TNFRSF10B: variants seen among roughly 807,000 people sequenced by gnomAD.
TNFRSF10B encodes tumor necrosis factor receptor superfamily member 10B.
A neutral mutation model predicts 41.4 loss-of-function variants in TNFRSF10B; 35 were observed. That is an observed-to-expected ratio of 0.85 (90% CI 0.65 to 1.12). The LOEUF (loss-of-function observed/expected upper bound fraction) is 1.12. Ranked by LOEUF, TNFRSF10B falls within the 50% of genes most tolerant of loss-of-function variation. The pLI, the probability that TNFRSF10B is intolerant of heterozygous loss-of-function variation, is 0.00. For synonymous variants in TNFRSF10B, 230 were observed against 215.5 expected (o/e 1.07, Z -0.59); for missense variants, 584 against 552.7 (o/e 1.06, Z -0.57).
intron 1 of TNFRSF10B, among the ~76,000 whole-genome samples, chr8:23,059,636 A>G (rs1812768333): frequency 6.6e-6 from 1 of 152,044 alleles, no homozygotes; most frequent in Non-Finnish European, 1.5e-5. Flanking sequence ...CCTCCCAAGT[A>G]GCTGGGACTA....
At position 23,022,648 on chromosome 8, in the gene TNFRSF10B, T is replaced by A. The variant is rs1422262958; in HGVS notation, c.*23A>T. ...GAAAAAAGGTAAACCAGGGAAGGTC[T>A]GACTTCCTGAAGAGAATCACACTTA... is the stretch of plus-strand genomic sequence containing the variant. On this transcript the variant is annotated 3_prime_UTR_variant, in exon 9 of 9. Coordinates refer to ENST00000276431, the MANE Select transcript of TNFRSF10B (RefSeq NM_003842.5). 6.2e-7 allele frequency: 1 copy of A among 1,613,808 alleles called. No individual in the cohort carries two copies. Among genetic ancestry groups the A allele is most frequent in the Admixed American group, 1.7e-5 (1 of 60,000 alleles).
intron 7 of TNFRSF10B, among the ~76,000 whole-genome samples, chr8:23,026,671 C>T (rs1379378770): frequency 2.9e-4 from 44 of 152,282 alleles, no homozygotes; most frequent in East Asian, 1.9e-4. Context: ...TGATTGTGTG[C>T]GTGTGTCCAA....
rs1813095071 is a variant in TNFRSF10B, at chr8:23,069,023, G to A, written c.-129C>T. The A allele has an allele frequency of 1.4e-6, 2 of 1,470,922 alleles. No individual in the cohort carries two copies. The highest frequency in any genetic ancestry group is 1.2e-5 in the South Asian group (1 of 84,958). The allele number at this position is 1,470,922 out of a possible 1,614,324, so 91.1% of individuals were successfully genotyped here. A position where few individuals can be genotyped will look rare whatever the true frequency, so the allele number is the denominator to read the frequency against. On this transcript the variant is annotated 5_prime_UTR_variant, in exon 1 of 9. Transcript: ENST00000276431. Reference sequence around the variant, plus strand: ...TCTCCGGCCGCGTGCTGATTTATGTGTCCAGGCTGACTTGGGGCGGCGCGG... The same window carrying A: ...TCTCCGGCCGCGTGCTGATTTATGTATCCAGGCTGACTTGGGGCGGCGCGG...
chr8:23,038,416 C>T (rs1812082042), intron 2 of TNFRSF10B, among the ~76,000 whole-genome samples: 1 of 152,158 alleles, frequency 6.6e-6, no homozygotes, highest in African/African-American at 2.4e-5. Flanking sequence ...ACATGACCAG[C>T]TATGGAAATA....
intron 1 of TNFRSF10B, among the ~76,000 whole-genome samples, chr8:23,066,601 A>T (rs1381655658): frequency 6.6e-6 from 1 of 152,144 alleles, no homozygotes; most frequent in Non-Finnish European, 1.5e-5. Context: ...AATGGCTGAA[A>T]ATCTTCCAAG....
rs1382341364 is a variant in TNFRSF10B, at chr8:23,020,244, T to TTGAC, written c.*2423_*2426dup. 1 of 453,774 alleles carries TTGAC rather than the reference T, an allele frequency of 2.2e-6. No individual in the cohort carries two copies. Among genetic ancestry groups the TTGAC allele is most frequent in the Non-Finnish European group, 4.4e-6 (1 of 226,562 alleles). The allele number at this position is 453,774 out of a possible 1,614,324, so 28.1% of individuals were successfully genotyped here. ...TATAACACATTTCAAATAGGGACCT[T>TTGAC]TGACAGGGCAGAAGCATGAAAGGAC... On this transcript the variant is annotated 3_prime_UTR_variant, in exon 9 of 9. Coordinates refer to ENST00000276431, the MANE Select transcript of TNFRSF10B (RefSeq NM_003842.5).
intron 2 of TNFRSF10B, among the ~76,000 whole-genome samples, chr8:23,038,002 T>C (rs1207674375): frequency 6.6e-6 from 1 of 152,232 alleles, no homozygotes; most frequent in African/African-American, 2.4e-5. Context: ...CTGTGTAACT[T>C]GAAGACTGCC....
intron 2 of TNFRSF10B, among the ~76,000 whole-genome samples, chr8:23,042,030 G>A (rs567710733): frequency 3.4e-4 from 52 of 152,262 alleles, no homozygotes; most frequent in Non-Finnish European, 6.0e-4. Context: ...TCCCCTCAGA[G>A]GCCAAGTTAC....
intron 1 of TNFRSF10B, among the ~76,000 whole-genome samples, chr8:23,055,269 A>T (rs905211026): frequency 6.6e-5 from 10 of 152,062 alleles, no homozygotes; most frequent in Admixed American, 3.9e-4. Context: ...GCTACCGGGA[A>T]CAAATCAACC....
intron 1 of TNFRSF10B, among the ~76,000 whole-genome samples, chr8:23,058,754 G>T (rs1158701221): frequency 6.6e-6 from 1 of 152,006 alleles, no homozygotes; most frequent in South Asian, 2.1e-4. Context: ...CAAAGTGCTG[G>T]GATTACAGGT....
chr8:23,027,845 G>C (rs747917676), intron 5 of TNFRSF10B, 92 bp from the exon 6 acceptor site: 42 of 1,516,176 alleles, frequency 2.8e-5, no homozygotes, highest in Middle Eastern at 1.7e-4. Flanking sequence ...TGGGCTGGGG[G>C]CTGGGACACT....
At chr8:23,068,549 TGTTCCCTGGCGGCCCAG>T (rs1192102629) in intron 1 of TNFRSF10B, 185 bp downstream of exon 1, 1 of 735,136 alleles carries the variant, frequency 1.4e-6, no homozygotes, top group African/African-American at 1.8e-5. Context: ...GCGCGCGCTC[TGTTCCCTGGCGGCCCAG>T]GTCGCTCCTG....
chr8:23,043,038 TC>T, intron 2 of TNFRSF10B, 99 bp downstream of exon 2: 2 of 1,146,054 alleles, frequency 1.7e-6, no homozygotes, highest in Non-Finnish European at 2.6e-6. Flanking sequence ...CCAATGCCTC[TC>T]TGTGGAATAA....
Position 23,020,737 on chromosome 8 carries a change from G to C in TNFRSF10B, c.*1934C>G, listed in dbSNP as rs1238856287. The C allele has an allele frequency of 2.2e-6, 1 of 453,942 alleles. No homozygotes were observed. Among genetic ancestry groups the C allele is most frequent in the Admixed American group, 2.4e-5 (1 of 42,542 alleles). 28.1% of individuals were successfully genotyped at this position (453,942 alleles called of 1,614,324 possible). ...AAAAATCTTAAACACTGATAAGGCTGACACTCTAGATGCATCTTCTAGGAA... is the reference window on the plus strand; with the variant it reads ...AAAAATCTTAAACACTGATAAGGCTCACACTCTAGATGCATCTTCTAGGAA... On this transcript the variant is annotated 3_prime_UTR_variant, in exon 9 of 9. Transcript: ENST00000276431.
rs541544740 is a variant in TNFRSF10B at position 23,054,229 on chromosome 8, C to G, written c.145-10986G>C. ...GAAGAGTTAAAATGTTCATTAATAT[C>G]AAACAGGACAGGAATTAACTGCATG... On this transcript the variant is annotated intron_variant, in intron 1 of 8. Coordinates refer to ENST00000276431, the MANE Select transcript of TNFRSF10B (RefSeq NM_003842.5). Among the ~76,000 whole-genome samples, 195 of 152,294 alleles carry G rather than the reference C, an allele frequency of 1.3e-3. 2 individuals are homozygous for G. The highest frequency in any genetic ancestry group is 4.6e-3 in the African/African-American group (192 of 41,560).
chr8:23,061,454 A>AT (rs1409543012), intron 1 of TNFRSF10B, among the ~76,000 whole-genome samples: 3 of 152,010 alleles, frequency 2.0e-5, no homozygotes, highest in Middle Eastern at 3.2e-3. Flanking sequence ...AATCTTTTGG[A>AT]TTTTTTACCA....
At chr8:23,036,767 C>T (rs538095191) in intron 2 of TNFRSF10B, among the ~76,000 whole-genome samples, 46 of 152,238 alleles carry the variant, frequency 3.0e-4, no homozygotes, top group East Asian at 2.9e-3. Flanking sequence ...CACTTGAACC[C>T]GGGAGGCAGA....
intron 1 of TNFRSF10B, chr8:23,068,365 GAGGA>G (rs1813061987): frequency 7.0e-6 from 2 of 287,272 alleles, no homozygotes; most frequent in Non-Finnish European, 6.6e-6. Flanking sequence ...GGAACTGAGC[GAGGA>G]AGGAAGGGAG....
intron 1 of TNFRSF10B, among the ~76,000 whole-genome samples, chr8:23,065,767 C>T (rs1024954344): frequency 2.0e-5 from 3 of 151,486 alleles, no homozygotes; most frequent in Admixed American, 2.0e-4. Context: ...CAGTGATGTT[C>T]GGTACCCAAG....
Sources: gnomAD v4.1 joint callset for allele counts (sites outside exome capture counted in the v4.1 genomes callset) on GRCh38, gnomAD v4.1.1 for gene constraint, MANE v1.5 for transcripts, NCBI Gene and HGNC (gene_info 2026-07-23, HGNC 2026-07-21) for gene names.